The following GARNL3 variants were observed in gnomAD, a reference collection of about 807,000 sequenced individuals.
The protein encoded by GARNL3 is GTPase activating Rap/RanGAP domain like 3, also known as GTPase-activating Rap/Ran-GAP domain-like protein 3.
Under a neutral mutation model 125.0 loss-of-function variants are expected in GARNL3, and 63 were observed. The ratio of observed to expected loss-of-function variants is 0.50; its 90% confidence interval spans 0.41 to 0.62. GARNL3 has a LOEUF of 0.62. Ranked by LOEUF, GARNL3 falls within the 20% of genes least tolerant of loss-of-function variation. The pLI, the probability that GARNL3 is intolerant of heterozygous loss-of-function variation, is 0.00. For synonymous variants in GARNL3, 439 were observed against 457.5 expected (o/e 0.96, Z 0.52); for missense variants, 994 against 1,244.0 (o/e 0.80, Z 3.02).
intron 10 of GARNL3, 22 bp from the exon 11 acceptor site, chr9:127,336,106 A>G: frequency 6.5e-7 from 1 of 1,529,852 alleles, no homozygotes; most frequent in Non-Finnish European, 9.0e-7. Context: ...TTTCTCAGTG[A>G]TGTTATTTAT....
rs1475343230 is a variant in GARNL3 at position 127,392,393 on chromosome 9, G to C, written c.2871-690G>C. ...TTTTGAGGAAGTAGCATTGGGCTGGGCTTGGAATAAACGGTAAGAAGCTAG... is the reference window on the plus strand; with the variant it reads ...TTTTGAGGAAGTAGCATTGGGCTGGCCTTGGAATAAACGGTAAGAAGCTAG... On this transcript the variant is annotated intron_variant, in intron 27 of 27. Transcript: ENST00000373387. This position sits in a 1 kb window ranked among gnomAD's most constrained non-coding sequence, Gnocchi z 5.2. 1.3e-5 allele frequency among the ~76,000 whole-genome samples: 2 copies of C among 152,244 alleles called. No homozygotes were observed. Among genetic ancestry groups the C allele is most frequent in the African/African-American group, 4.8e-5 (2 of 41,462 alleles).
rs777781747 is a variant in GARNL3, at chr9:127,390,656, G to T, written c.2759G>T (p.Gly920Val). The T allele has an allele frequency of 1.2e-6, 2 of 1,613,948 alleles. No homozygotes were observed. The highest frequency in any genetic ancestry group is 3.3e-5 in the Admixed American group (2 of 60,014). Residue 920 changes from glycine to valine, a missense_variant, in exon 27 of 28, where the codon GGT becomes GTT. Transcript: ENST00000373387. The part of the protein sequence containing the change: ...RRELLGLSDE[G>V]GPKSEGAPKA... ...CTCAATCCAGGCCTCTCGGATGAAGGTGGACCCAAGTCAGAAGGAGCGCCA... is the reference window on the plus strand; with the variant it reads ...CTCAATCCAGGCCTCTCGGATGAAGTTGGACCCAAGTCAGAAGGAGCGCCA...
chr9:127,368,907 C>T (rs963667048), intron 22 of GARNL3: 22 of 152,638 alleles, frequency 1.4e-4, no homozygotes, highest in African/African-American at 5.3e-4. Flanking sequence ...TGCACTCCAG[C>T]CTGGGTGACA....
chr9:127,334,405 A>G (rs926944654), intron 9 of GARNL3, among the ~76,000 whole-genome samples: 3 of 152,134 alleles, frequency 2.0e-5, no homozygotes, highest in Non-Finnish European at 2.9e-5. Flanking sequence ...TGGGAGCCTC[A>G]TCTTCCCACC....
In GARNL3 at chr9:127,347,777, G is replaced by A. The variant is rs150176967; in HGVS notation, c.1432-1147G>A. Among the ~76,000 whole-genome samples the A allele has an allele frequency of 1.6e-4, 24 of 152,270 alleles. 1 individual carries two copies. In the East Asian group the frequency reaches 4.6e-3, roughly 29 times the overall value. On this transcript the variant is annotated intron_variant, in intron 16 of 27. Transcript: ENST00000373387. ...TCATTTCAATTAATGACCTGCACTT[G>A]TTTAGCCTTTTTTCCATTTACAAAA...
intron 17 of GARNL3, among the ~76,000 whole-genome samples, chr9:127,352,782 A>G (rs966307316): frequency 1.3e-5 from 2 of 152,162 alleles, no homozygotes; most frequent in Non-Finnish European, 2.9e-5. Context: ...ACCATCCAGG[A>G]CGGGATGAAC....
upstream of GARNL3, among the ~76,000 whole-genome samples, chr9:127,261,172 C>T (rs950864416): frequency 1.3e-5 from 2 of 151,994 alleles, no homozygotes; most frequent in African/African-American, 4.8e-5. Context: ...ATGAGAATTG[C>T]TTGAACCCAG....
intron 9 of GARNL3, 71 bp from the exon 10 acceptor site, chr9:127,335,159 C>A: frequency 1.9e-6 from 2 of 1,033,818 alleles, no homozygotes; most frequent in Non-Finnish European, 3.1e-6. Context: ...TTTCCCTAGT[C>A]TGCAAATGAA....
At chr9:127,254,100 T>C (rs1446981048) in intron 2 of GARNL3, among the ~76,000 whole-genome samples, 2 of 152,188 alleles carry the variant, frequency 1.3e-5, no homozygotes. Context: ...TCAGCGTCTC[T>C]CAGGGTAACT....
rs1832412245 is a variant in GARNL3 at position 127,384,005 on chromosome 9, G to A, written c.2269+460G>A. ...AAAATGTCAGGACATGAGCGGCGAT[G>A]CTTTGTGTTTGTGATTCAAGATCCA... is the stretch of plus-strand genomic sequence containing the variant. On this transcript the variant is annotated intron_variant, in intron 23 of 27. Coordinates refer to ENST00000373387, the MANE Select transcript of GARNL3 (RefSeq NM_032293.5). This position sits in a 1 kb window ranked among gnomAD's most constrained non-coding sequence, Gnocchi z 4.0. 6.6e-6 allele frequency among the ~76,000 whole-genome samples: 1 copy of A among 152,194 alleles called. No homozygotes were observed. The highest frequency in any genetic ancestry group is 6.5e-5 in the Admixed American group (1 of 15,276).
chr9:127,226,532 C>G (rs2062916758), intron 1 of GARNL3, among the ~76,000 whole-genome samples: 1 of 152,192 alleles, frequency 6.6e-6, no homozygotes. Flanking sequence ...AGTGTCTGAC[C>G]CGCTGGTGCT....
chr9:127,392,000 G>T (rs969308234), intron 27 of GARNL3, among the ~76,000 whole-genome samples: 1 of 152,182 alleles, frequency 6.6e-6, no homozygotes, highest in Admixed American at 6.5e-5. Context: ...GATATGGAAA[G>T]GACTAAGCCC....
chr9:127,300,870 G>T, intron 2 of GARNL3: 1 of 304,646 alleles, frequency 3.3e-6, no homozygotes, highest in East Asian at 1.1e-4. Context: ...TGTTGGTAAT[G>T]AACAGACTCC....
intron 1 of GARNL3, among the ~76,000 whole-genome samples, chr9:127,277,582 A>G (rs1034031216): frequency 6.6e-6 from 1 of 151,780 alleles, no homozygotes; most frequent in Non-Finnish European, 1.5e-5. Context: ...TTTTTTGCTT[A>G]TGAAATAAAG....
chr9:127,224,896 A>G (rs1471778270), intron 1 of GARNL3, among the ~76,000 whole-genome samples: 1 of 54,810 alleles, frequency 1.8e-5, no homozygotes, highest in Non-Finnish European at 3.6e-5. Context: ...GAGGGGCGTT[A>G]CCGGAGCGCG....
At chr9:127,318,458 C>T (rs1444552691) in intron 5 of GARNL3, among the ~76,000 whole-genome samples, 3 of 152,212 alleles carry the variant, frequency 2.0e-5, no homozygotes, top group Non-Finnish European at 4.4e-5. Context: ...CTCCTTACTG[C>T]ATTAGTTGCC....
At chr9:127,238,127 A>G (rs1236960019) in intron 1 of GARNL3, among the ~76,000 whole-genome samples, 1 of 152,224 alleles carries the variant, frequency 6.6e-6, no homozygotes, top group Non-Finnish European at 1.5e-5. Context: ...CTGGGATTAC[A>G]GGAGCATGCC....
At chr9:127,263,802 T>G, upstream of GARNL3, 1 of 1,259,442 alleles carries the variant, frequency 7.9e-7, no homozygotes. Flanking sequence ...GCCATCTCTG[T>G]GAAATGGTGG....
intron 12 of GARNL3, among the ~76,000 whole-genome samples, chr9:127,338,407 A>C (rs1829670914): frequency 6.6e-6 from 1 of 152,186 alleles, no homozygotes; most frequent in Non-Finnish European, 1.5e-5. Context: ...CCATGGGAAC[A>C]GGTTTGATAT....
Sources: allele counts gnomAD v4.1 joint callset (sites outside exome capture counted in the v4.1 genomes callset), GRCh38; gene constraint gnomAD v4.1.1; non-coding constraint Gnocchi (gnomAD v3.1); transcripts MANE v1.5; gene names NCBI Gene and HGNC (gene_info 2026-07-23, HGNC 2026-07-21).